Variants in LNX2 observed in about 807,000 individuals in gnomAD.
LNX2 encodes ligand of numb-protein X 2.
LNX2 carries 35 observed loss-of-function variants against 66.2 expected under a neutral mutation model. That is an observed-to-expected ratio of 0.53 (90% CI 0.40 to 0.70). The LOEUF is 0.70. Among genes scored for constraint, LNX2 ranks in the 30% least tolerant of loss-of-function variants. The probability of loss-of-function intolerance (pLI) is 0.00; values close to 1 mark genes in which losing one functional copy is unlikely to be tolerated. For missense variants in LNX2, 791 were observed against 850.8 expected (o/e 0.93, Z 0.87); for synonymous variants, 337 against 315.6 (o/e 1.07, Z -0.72).
At chr13:27,590,101 C>G (rs1955531501) in intron 1 of LNX2, among the ~76,000 whole-genome samples, 1 of 152,142 alleles carries the variant, frequency 6.6e-6, no homozygotes. Context: ...AGGCGCCCAC[C>G]ACCACCCCCG....
At chr13:27,596,037 G>A (rs771066368) in intron 1 of LNX2, among the ~76,000 whole-genome samples, 8 of 152,186 alleles carry the variant, frequency 5.3e-5, no homozygotes, top group Non-Finnish European at 1.2e-4. Flanking sequence ...TATCTATGGT[G>A]CTCAACTATC....
chr13:27,588,318 CCA>C (rs1187183968), intron 1 of LNX2, among the ~76,000 whole-genome samples: 1 of 152,256 alleles, frequency 6.6e-6, no homozygotes, highest in East Asian at 1.9e-4. Flanking sequence ...CACATCTATA[CCA>C]CAGAGTTTTA....
At chr13:27,592,907 A>T (rs985428237) in intron 1 of LNX2, among the ~76,000 whole-genome samples, 5 of 152,228 alleles carry the variant, frequency 3.3e-5, no homozygotes, top group African/African-American at 9.6e-5. Context: ...TTCATTGGTG[A>T]CCTTGATAGA....
chr13:27,593,777 G>C (rs1238467991), intron 1 of LNX2, among the ~76,000 whole-genome samples: 1 of 143,236 alleles, frequency 7.0e-6, no homozygotes, highest in Admixed American at 7.0e-5. Context: ...TTTTTTTTAA[G>C]TAGGGACAAG....
rs1954946969 is a variant in LNX2, at chr13:27,546,933, T to C, written c.*1402A>G. 6.6e-6 allele frequency: 1 copy of C among 152,142 alleles called. No homozygotes were observed. Among genetic ancestry groups the C allele is most frequent in the Admixed American group, 6.5e-5 (1 of 15,276 alleles). The allele number at this position is 152,142 out of a possible 1,614,324, so 9.4% of individuals were successfully genotyped here. On this transcript the variant is annotated 3_prime_UTR_variant, in exon 10 of 10. Transcript: ENST00000316334. ...CAAAAACATTTCAAAAAATATGAAA[T>C]AGTCTAGTGACTGAGAGCTGACTGA...
Position 27,548,400 on chromosome 13 carries a change from T to C in LNX2, c.2008A>G (p.Met670Val). ...ACTTTGTTCCTCTGCTCCTTCAACA[T>C]GGGAACTAGTGCAGAGTGGCTCATG... ...VGMSHSALVP[M>V]LKEQRNKVTL... Residue 670 changes from methionine to valine, a missense_variant, in exon 10 of 10, where the codon ATG becomes GTG. Met to Val is a conservative substitution (Grantham distance 21, BLOSUM62 1). Coordinates refer to ENST00000316334, the MANE Select transcript of LNX2 (RefSeq NM_153371.4). 1.2e-6 allele frequency: 2 copies of C among 1,614,100 alleles called. No homozygotes were observed. Among genetic ancestry groups the C allele is most frequent in the Non-Finnish European group, 8.5e-7 (1 of 1,179,934 alleles).
At chr13:27,564,887 C>G (rs1343524176) in intron 4 of LNX2, among the ~76,000 whole-genome samples, 1 of 152,118 alleles carries the variant, frequency 6.6e-6, no homozygotes, top group Non-Finnish European at 1.5e-5. Context: ...CATAAATAGT[C>G]CATATGTGGG....
intron 1 of LNX2, among the ~76,000 whole-genome samples, chr13:27,600,136 T>A (rs1955641311): frequency 6.6e-6 from 1 of 152,190 alleles, no homozygotes; most frequent in Non-Finnish European, 1.5e-5. Context: ...AGGATAGGGT[T>A]ACTCTGGAGA....
rs888169925 is a variant in LNX2, at chr13:27,547,596, C to T, written c.*739G>A. 1 of 152,260 alleles carries T rather than the reference C, an allele frequency of 6.6e-6. No homozygotes were observed. Among genetic ancestry groups the T allele is most frequent in the African/African-American group, 2.4e-5 (1 of 41,440 alleles). 9.4% of individuals were successfully genotyped at this position (152,260 alleles called of 1,614,324 possible). ...GAACGGCCGGGTGCGGCAGCTCACA[C>T]CTGTAATCCCAGCACTTTGGGAGGC... On this transcript the variant is annotated 3_prime_UTR_variant, in exon 10 of 10. Coordinates refer to ENST00000316334, the MANE Select transcript of LNX2 (RefSeq NM_153371.4).
intron 1 of LNX2, among the ~76,000 whole-genome samples, chr13:27,614,666 C>A (rs1007341288): frequency 1.8e-4 from 27 of 152,200 alleles, no homozygotes; most frequent in Non-Finnish European, 3.1e-4. Context: ...CAGGAAGAAC[C>A]CATTGGGCAG....
intron 4 of LNX2, 100 bp downstream of exon 4, chr13:27,567,540 T>G: frequency 1.1e-6 from 1 of 877,390 alleles, no homozygotes. Flanking sequence ...AAAACTAATC[T>G]ATATATAATT....
intron 1 of LNX2, among the ~76,000 whole-genome samples, chr13:27,592,265 TAGAG>T (rs755334951): frequency 3.9e-5 from 6 of 152,126 alleles, no homozygotes; most frequent in Non-Finnish European, 7.3e-5. Context: ...ATAGTTGAGA[TAGAG>T]AGAAATTACT....
intron 1 of LNX2, among the ~76,000 whole-genome samples, chr13:27,612,323 T>C (rs1472900260): frequency 1.3e-5 from 2 of 152,192 alleles, no homozygotes; most frequent in Non-Finnish European, 2.9e-5. Flanking sequence ...CTCTCTCTCA[T>C]CCACCTCCTC....
intron 1 of LNX2, among the ~76,000 whole-genome samples, chr13:27,616,701 T>C (rs760592525): frequency 3.3e-5 from 5 of 152,248 alleles, no homozygotes; most frequent in Admixed American, 1.3e-4. Flanking sequence ...TTTAAAAGCA[T>C]ACTAACTAGA....
Position 27,607,793 on chromosome 13 carries a change from C to T in LNX2, c.-101+12582G>A, listed in dbSNP as rs76834815. On this transcript the variant is annotated intron_variant, in intron 1 of 9. Transcript: ENST00000316334. Reference sequence around the variant, plus strand: ...ACCTCCAGGAGAGGGTACAAAAGGGCAGGAAGCAAAGATGACACCATTTGA... The same window carrying T: ...ACCTCCAGGAGAGGGTACAAAAGGGTAGGAAGCAAAGATGACACCATTTGA... Among the ~76,000 whole-genome samples the T allele has an allele frequency of 4.9e-3, 753 of 152,272 alleles. 5 individuals are homozygous for T. The highest frequency in any genetic ancestry group is 0.022 in the South Asian group (108 of 4,828).
At chr13:27,555,121 G>T (rs928940411) in intron 7 of LNX2, among the ~76,000 whole-genome samples, 1 of 152,062 alleles carries the variant, frequency 6.6e-6, no homozygotes, top group African/African-American at 2.4e-5. Context: ...GCTAATTTTT[G>T]TATTTTTTGT....
In LNX2 at chr13:27,620,415, C is replaced by A. The variant is rs1220209172; in HGVS notation, c.-141G>T. On this transcript the variant is annotated 5_prime_UTR_variant, in exon 1 of 10. Transcript: ENST00000316334. ...GCCCGGGCCGCGCACGGGCTCCTGG[C>A]GCCGCTGCTCGGCACCAGCTCCCGC... 1 of 151,882 alleles carries A rather than the reference C, an allele frequency of 6.6e-6. No individual in the cohort carries two copies. Among genetic ancestry groups the A allele is most frequent in the African/African-American group, 2.5e-5 (1 of 40,432 alleles). The allele number at this position is 151,882 out of a possible 1,614,324, so 9.4% of individuals were successfully genotyped here. A position where few individuals can be genotyped will look rare whatever the true frequency, so the allele number is the denominator to read the frequency against.
intron 9 of LNX2, among the ~76,000 whole-genome samples, chr13:27,549,634 GAAAC>G (rs1954983029): frequency 6.6e-6 from 1 of 152,156 alleles, no homozygotes; most frequent in Non-Finnish European, 1.5e-5. Flanking sequence ...GGATAATAAA[GAAAC>G]TTACCTCATA....
chr13:27,581,793 G>C lies in LNX2; in HGVS notation c.-90C>G. 1 of 1,115,268 alleles carries C rather than the reference G, an allele frequency of 9.0e-7. No individual in the cohort carries two copies. The highest frequency in any genetic ancestry group is 2.5e-5 in the East Asian group (1 of 40,420). 69.1% of individuals were successfully genotyped at this position (1,115,268 alleles called of 1,614,324 possible). A position where few individuals can be genotyped will look rare whatever the true frequency, so the allele number is the denominator to read the frequency against. On this transcript the variant is annotated 5_prime_UTR_variant, in exon 2 of 10. Transcript: ENST00000316334. ...CAGTGATGTATCTGACTAAAGTCAA[G>C]GTGTGTTTTTCTAGATAAGCAAAAC...
Sources: gnomAD v4.1 joint callset for allele counts (sites outside exome capture counted in the v4.1 genomes callset) on GRCh38, gnomAD v4.1.1 for gene constraint, MANE v1.5 for transcripts, NCBI Gene and HGNC (gene_info 2026-07-23, HGNC 2026-07-21) for gene names.